Variants in HK1 observed in about 807,000 individuals in gnomAD.
HK1 encodes hexokinase-1.
A neutral mutation model predicts 91.6 loss-of-function variants in HK1; 28 were observed. That is an observed-to-expected ratio of 0.31 (90% CI 0.23 to 0.42). The LOEUF (loss-of-function observed/expected upper bound fraction) is 0.42. Among genes scored for constraint, HK1 ranks in the 10% least tolerant of loss-of-function variants. The pLI, the probability that HK1 is intolerant of heterozygous loss-of-function variation, is 1.00. For synonymous variants in HK1, 430 were observed against 468.1 expected (o/e 0.92, Z 1.05); for missense variants, 770 against 1,219.8 (o/e 0.63, Z 5.49).
intron 1 of HK1, among the ~76,000 whole-genome samples, chr10:69,320,689 CT>C (rs1238265774): frequency 6.6e-6 from 1 of 152,070 alleles, no homozygotes; most frequent in African/African-American, 2.4e-5. Flanking sequence ...GGCTGCTGGG[CT>C]GGGGGGTGCC....
upstream of HK1, among the ~76,000 whole-genome samples, chr10:69,314,100 C>T (rs1395575974): frequency 1.3e-5 from 2 of 152,156 alleles, no homozygotes; most frequent in African/African-American, 4.8e-5. Context: ...TAACCTTCAC[C>T]CCACTGAGCT....
intron 15 of HK1, among the ~76,000 whole-genome samples, chr10:69,393,557 A>G (rs2132946293): frequency 1.3e-5 from 2 of 152,358 alleles, no homozygotes; most frequent in South Asian, 4.1e-4. Context: ...TCAGCCTCCC[A>G]AAGTGCTGGG....
chr10:69,353,662 T>C (rs143029004), intron 2 of HK1, among the ~76,000 whole-genome samples: 57 of 149,492 alleles, frequency 3.8e-4, no homozygotes, highest in African/African-American at 1.3e-3. Flanking sequence ...CTAGAATGAC[T>C]GAGTTCTGGT....
At chr10:69,270,169 T>A (rs1302454742) in intron 1 of HK1, 1 of 152,062 alleles carries the variant, frequency 6.6e-6, no homozygotes, top group Non-Finnish European at 1.5e-5. Context: ...TGAGGCAGGG[T>A]CTCGCTATGT....
chr10:69,346,430 G>C (rs1471959697), intron 2 of HK1, among the ~76,000 whole-genome samples: 1 of 152,136 alleles, frequency 6.6e-6, no homozygotes, highest in Non-Finnish European at 1.5e-5. Flanking sequence ...CTTTCCAGAA[G>C]CATTTCTGAA....
upstream of HK1, among the ~76,000 whole-genome samples, chr10:69,317,057 T>C (rs184492378): frequency 3.2e-3 from 483 of 152,270 alleles, 7 homozygotes; most frequent in South Asian, 0.02. Context: ...GAAAATTAAA[T>C]AAATTGGCAC....
chr10:69,349,899 T>C (rs1178555369), intron 2 of HK1, among the ~76,000 whole-genome samples: 1 of 152,242 alleles, frequency 6.6e-6, no homozygotes, highest in African/African-American at 2.4e-5. Flanking sequence ...AGAATTCTAG[T>C]TTCCTATAAC....
intron 1 of HK1, among the ~76,000 whole-genome samples, chr10:69,328,962 CCATGTAGTAG>C (rs1847540386): frequency 6.6e-6 from 1 of 152,208 alleles, no homozygotes; most frequent in East Asian, 1.9e-4. Context: ...CAAGGTTCAT[CCATGTAGTAG>C]CATGTGTTAG....
chr10:69,340,258 A>AT (rs1244191833), intron 1 of HK1, among the ~76,000 whole-genome samples: 4 of 152,104 alleles, frequency 2.6e-5, no homozygotes, highest in Non-Finnish European at 5.9e-5. Flanking sequence ...ATTAAAAAAA[A>AT]TTTTTTGAGA....
intron 4 of HK1, among the ~76,000 whole-genome samples, chr10:69,365,680 C>G (rs193107329): frequency 2.6e-5 from 4 of 152,106 alleles, no homozygotes; most frequent in African/African-American, 7.2e-5. Context: ...GAGTTCAAGA[C>G]CAGCCTGGGC....
intron 1 of HK1, among the ~76,000 whole-genome samples, chr10:69,320,546 A>T (rs760595243): frequency 6.6e-6 from 1 of 152,114 alleles, no homozygotes; most frequent in Non-Finnish European, 1.5e-5. Flanking sequence ...GGTGTTGTGC[A>T]TCACTGATGT....
At chr10:69,351,531 A>C (rs1848875965) in intron 2 of HK1, among the ~76,000 whole-genome samples, 2 of 149,364 alleles carry the variant, frequency 1.3e-5, no homozygotes, top group South Asian at 4.5e-4. Flanking sequence ...CAAAAACAAA[A>C]AAAACAAAAC....
At chr10:69,323,756 G>T (rs1847175032) in intron 1 of HK1, among the ~76,000 whole-genome samples, 1 of 152,166 alleles carries the variant, frequency 6.6e-6, no homozygotes, top group African/African-American at 2.4e-5. Context: ...GGGTGTCTGT[G>T]AGGTGCTTTC....
chr10:69,296,970 A>AGAT (rs1845596088), intron 4 of HK1, among the ~76,000 whole-genome samples: 2 of 152,248 alleles, frequency 1.3e-5, no homozygotes, highest in Non-Finnish European at 2.9e-5. Flanking sequence ...GTGCTGTGCA[A>AGAT]GATGATCTAC....
chr10:69,316,026 T>C (rs938001676), upstream of HK1: 103 of 1,612,342 alleles, frequency 6.4e-5, no homozygotes, highest in Non-Finnish European at 8.5e-5. Flanking sequence ...TGAGTAGCTG[T>C]GGTCCAGGGA....
In HK1 at chr10:69,300,002, G is replaced by A. The variant is rs979068059; in HGVS notation, c.-66-767G>A. On this transcript the variant is annotated intron_variant, in intron 4 of 21. Coordinates refer to the HK1 transcript ENST00000360289. ...TTCAGTAGAGACAGGGTCTTGCCAT[G>A]TTGCCCCGGCTGGTCTTGAACTCCT... 6.7e-5 allele frequency among the ~76,000 whole-genome samples: 10 copies of A among 150,320 alleles called. No homozygotes were observed. In the East Asian group the frequency reaches 7.8e-4, roughly 12 times the overall value.
upstream of HK1, among the ~76,000 whole-genome samples, chr10:69,313,454 T>G (rs2132543142): frequency 6.6e-6 from 1 of 152,316 alleles, no homozygotes; most frequent in South Asian, 2.1e-4. Flanking sequence ...TTTATTTTAT[T>G]TATTTTATTA....
chr10:69,386,281 G>A (rs781034751), intron 12 of HK1, 42 bp from the exon 13 acceptor site: 2 of 1,530,666 alleles, frequency 1.3e-6, no homozygotes, highest in Non-Finnish European at 1.8e-6. Flanking sequence ...TCCCCTTCCA[G>A]GTTAATTACA....
intron 1 of HK1, among the ~76,000 whole-genome samples, chr10:69,323,997 G>C (rs1392292573): frequency 6.6e-6 from 1 of 152,140 alleles, no homozygotes; most frequent in African/African-American, 2.4e-5. Context: ...CTGCATCCAG[G>C]AATCAGTTGT....
Sources: gnomAD v4.1 joint callset for allele counts (sites outside exome capture counted in the v4.1 genomes callset) on GRCh38, gnomAD v4.1.1 for gene constraint, MANE v1.5 for transcripts, NCBI Gene and HGNC (gene_info 2026-07-23, HGNC 2026-07-21) for gene names.